KCNMB3: variants seen among roughly 807,000 people sequenced by gnomAD.
The protein encoded by KCNMB3 is potassium calcium-activated channel subfamily M regulatory beta subunit 3.
KCNMB3 carries 18 observed loss-of-function variants against 11.9 expected under a neutral mutation model. The ratio of observed to expected loss-of-function variants is 1.51; its 90% CI spans 1.04 to 2.23. The LOEUF (loss-of-function observed/expected upper bound fraction) is 2.23, where lower values mean the gene tolerates loss of function less well. Ranked by LOEUF, KCNMB3 falls within the 30% of genes most tolerant of loss-of-function variation. The pLI is 0.00. For synonymous variants in KCNMB3, 78 were observed against 119.2 expected, an observed-to-expected ratio of 0.65 and a Z score of 2.25; for missense variants, 247 against 329.4, an observed-to-expected ratio of 0.75 and a Z score of 1.94.
chr3:179,261,418 G>T, intron 1 of KCNMB3: 3 of 1,053,184 alleles, frequency 2.8e-6, no homozygotes, highest in South Asian at 4.5e-5. Context: ...CGCTTCCGGG[G>T]CCAAGAGCCA....
chr3:179,244,783 CCAAGGCATTTGTGTA>C (rs1045895365), intron 1 of KCNMB3, 90 bp from the exon 2 acceptor site: 37 of 1,117,050 alleles, frequency 3.3e-5, no homozygotes, highest in Middle Eastern at 2.9e-4. Context: ...TACACAATGC[CCAAGGCATTTGTGTA>C]CAAGGCATTT....
At chr3:179,261,684 T>A (rs951124366) in intron 1 of KCNMB3, among the ~76,000 whole-genome samples, 4 of 152,220 alleles carry the variant, frequency 2.6e-5, no homozygotes, top group Admixed American at 2.0e-4. Context: ...GCTAGCGATA[T>A]GCAGTACCCT....
chr3:179,258,066 C>T (rs1013003197), intron 1 of KCNMB3, among the ~76,000 whole-genome samples: 15 of 151,896 alleles, frequency 9.9e-5, no homozygotes, highest in Non-Finnish European at 1.9e-4. Context: ...TTGTATTTTT[C>T]GTAGAGACAG....
At chr3:179,246,537 G>C (rs1725649558) in intron 1 of KCNMB3, among the ~76,000 whole-genome samples, 1 of 152,140 alleles carries the variant, frequency 6.6e-6, no homozygotes, top group African/African-American at 2.4e-5. Context: ...GACACACTGT[G>C]CAGTTTAACA....
At chr3:179,265,704 C>T (rs558913515) in intron 1 of KCNMB3, among the ~76,000 whole-genome samples, 4 of 152,196 alleles carry the variant, frequency 2.6e-5, no homozygotes, top group African/African-American at 9.6e-5. Context: ...GTGATCCACT[C>T]ACCTCGGCCT....
upstream of KCNMB3, among the ~76,000 whole-genome samples, chr3:179,253,730 C>T (rs921264336): frequency 5.9e-5 from 9 of 152,060 alleles, no homozygotes; most frequent in South Asian, 4.2e-4. Flanking sequence ...CGCTTGAACC[C>T]GGGTGGCAGA....
chr3:179,246,977 T>C (rs969559354), intron 1 of KCNMB3, among the ~76,000 whole-genome samples: 2 of 152,096 alleles, frequency 1.3e-5, no homozygotes, highest in Admixed American at 6.6e-5. Flanking sequence ...CATCATCTGA[T>C]TGAGGGATGA....
At chr3:179,262,446 C>A (rs1280937715) in intron 1 of KCNMB3, among the ~76,000 whole-genome samples, 1 of 152,192 alleles carries the variant, frequency 6.6e-6, no homozygotes, top group Admixed American at 6.5e-5. Flanking sequence ...AGCTGCAGAC[C>A]TTCGCAGTGA....
Position 179,244,531 on chromosome 3 carries a change from T to TAGG in KCNMB3, c.408_410dup (p.Leu137dup), listed in dbSNP as rs1184872013. 1 of 1,614,078 alleles carries TAGG rather than the reference T, an allele frequency of 6.2e-7. No individual in the cohort carries two copies. The highest frequency in any genetic ancestry group is 8.5e-7 in the Non-Finnish European group (1 of 1,180,028). The stretch of plus-strand genomic sequence containing the variant: ...TCTGGACAGCCTCTTCATTATAATG[T>TAGG]AGGAGAGCTTTCTGACCTGGATGGC... On this transcript the variant is annotated inframe_insertion, in exon 2 of 3. Transcript: ENST00000392685.
intron 1 of KCNMB3, among the ~76,000 whole-genome samples, chr3:179,263,649 A>C (rs1195707254): frequency 6.7e-6 from 1 of 149,374 alleles, no homozygotes; most frequent in East Asian, 1.9e-4. Context: ...TGAAAAATAC[A>C]AAAAAAAATG....
At chr3:179,245,150 A>C (rs994027578) in intron 1 of KCNMB3, among the ~76,000 whole-genome samples, 8 of 152,130 alleles carry the variant, frequency 5.3e-5, no homozygotes, top group Non-Finnish European at 1.2e-4. Context: ...ATAATGCTGT[A>C]ACCACCAAGA....
intron 1 of KCNMB3, chr3:179,261,139 C>T: frequency 1.5e-6 from 2 of 1,335,876 alleles, no homozygotes; most frequent in Non-Finnish European, 2.1e-6. Flanking sequence ...GCTGCCGCTC[C>T]AGCTCCTTCA....
upstream of KCNMB3, among the ~76,000 whole-genome samples, chr3:179,252,592 C>T (rs1725882076): frequency 6.6e-6 from 1 of 152,058 alleles, no homozygotes; most frequent in Non-Finnish European, 1.5e-5. Context: ...AGGTGGGGCA[C>T]TCCATGGTTA....
intron 1 of KCNMB3, chr3:179,260,192 C>A: frequency 6.2e-7 from 1 of 1,613,272 alleles, no homozygotes; most frequent in Non-Finnish European, 8.5e-7. Flanking sequence ...CTGTGTGGCT[C>A]CCACCATCTA....
chr3:179,256,147 A>C (rs1055819765), upstream of KCNMB3, among the ~76,000 whole-genome samples: 2 of 152,186 alleles, frequency 1.3e-5, no homozygotes, highest in Non-Finnish European at 2.9e-5. Context: ...TAAAGATATT[A>C]ACTCTAGGCT....
chr3:179,251,264 G>C, upstream of KCNMB3: 7 of 1,466,326 alleles, frequency 4.8e-6, no homozygotes, highest in Non-Finnish European at 6.3e-6. Context: ...ATCTTTCAGG[G>C]ATATTGCACG....
At chr3:179,265,852 A>G (rs7609570) in intron 1 of KCNMB3, among the ~76,000 whole-genome samples, 55,960 of 152,072 alleles carry the variant, frequency 0.37, 11,467 homozygotes, top group African/African-American at 0.55. Context: ...CCCCAACCCT[A>G]GGGCAGGCAA....
chr3:179,264,639 A>C (rs560983445), intron 1 of KCNMB3, among the ~76,000 whole-genome samples: 1 of 152,316 alleles, frequency 6.6e-6, no homozygotes, highest in Admixed American at 6.5e-5. Flanking sequence ...ACTCAATTAC[A>C]AACAGCCTGA....
intron 1 of KCNMB3, among the ~76,000 whole-genome samples, chr3:179,245,515 G>T (rs13083336): frequency 0.2 from 24,313 of 120,418 alleles, 2,143 homozygotes; most frequent in African/African-American, 0.3. Context: ...TAATTTTTTT[G>T]GGGGGGGGGA....
Sources: allele counts gnomAD v4.1 joint callset (sites outside exome capture counted in the v4.1 genomes callset), GRCh38; gene constraint gnomAD v4.1.1; transcripts MANE v1.5; gene names NCBI Gene and HGNC (gene_info 2026-07-23, HGNC 2026-07-21).